The following YES1 variants were observed in gnomAD, a reference collection of about 807,000 sequenced individuals.
YES1 encodes YES proto-oncogene 1, Src family tyrosine kinase.
YES1 carries 39 observed loss-of-function variants against 70.4 expected under a neutral mutation model. The ratio of observed to expected loss-of-function variants is 0.55; its 90% CI spans 0.43 to 0.72. The LOEUF (loss-of-function observed/expected upper bound fraction) is 0.72, where lower values mean the gene tolerates loss of function less well. Ranked by LOEUF, YES1 falls within the 30% of genes least tolerant of loss-of-function variation. The pLI, the probability that YES1 is intolerant of heterozygous loss-of-function variation, is 0.00. For missense variants in YES1, 495 were observed against 644.8 expected, an observed-to-expected ratio of 0.77 and a Z score of 2.52; for synonymous variants, 198 against 218.6, an observed-to-expected ratio of 0.91 and a Z score of 0.83.
chr18:753,195 T>C (rs546201637), intron 2 of YES1, among the ~76,000 whole-genome samples: 1 of 152,196 alleles, frequency 6.6e-6, no homozygotes, highest in Non-Finnish European at 1.5e-5. Flanking sequence ...TAAAAAACTG[T>C]ATATATTTAT....
intron 1 of YES1, among the ~76,000 whole-genome samples, chr18:765,403 T>C (rs1170885393): frequency 6.8e-6 from 1 of 147,456 alleles, no homozygotes; most frequent in African/African-American, 2.5e-5. Flanking sequence ...TTAACACTTT[T>C]TTTTTTTTTT....
chr18:797,350 T>C (rs1906599407), intron 1 of YES1, among the ~76,000 whole-genome samples: 1 of 151,846 alleles, frequency 6.6e-6, no homozygotes, highest in Non-Finnish European at 1.5e-5. Context: ...TGGGAAAATA[T>C]AGAAAGAGCT....
At chr18:803,342 A>C (rs1161488460) in intron 1 of YES1, among the ~76,000 whole-genome samples, 1 of 152,246 alleles carries the variant, frequency 6.6e-6, no homozygotes, top group African/African-American at 2.4e-5. Context: ...AGTATGGCAT[A>C]GCACCTATCA....
intron 1 of YES1, among the ~76,000 whole-genome samples, chr18:777,989 AAAGT>A (rs1905470754): frequency 6.6e-6 from 1 of 152,172 alleles, no homozygotes; most frequent in South Asian, 2.1e-4. Context: ...TTACACTGTT[AAAGT>A]ATTTTGCTTT....
chr18:726,601 G>A (rs763057233), intron 11 of YES1, among the ~76,000 whole-genome samples: 21 of 151,162 alleles, frequency 1.4e-4, no homozygotes, highest in Non-Finnish European at 1.9e-4. Context: ...CCAACATGGC[G>A]AAACCCCCTC....
At chr18:796,138 T>C (rs929317907) in intron 1 of YES1, among the ~76,000 whole-genome samples, 1 of 152,168 alleles carries the variant, frequency 6.6e-6, no homozygotes, top group East Asian at 1.9e-4. Context: ...AGTAAATGCA[T>C]ATGAATAGCT....
At position 724,604 on chromosome 18, in the gene YES1, T is replaced by G. The variant is rs1194771041; in HGVS notation, c.1452A>C (p.Gln484His). The G allele has an allele frequency of 1.2e-6, 2 of 1,614,030 alleles. No homozygotes were observed. Among genetic ancestry groups the G allele is most frequent in the Non-Finnish European group, 1.7e-6 (2 of 1,180,004 alleles). Residue 484 changes from glutamine (Q) to histidine (H), a missense_variant, in exon 12 of 12, where the codon CAA becomes CAC. Gln to His is a conservative substitution (Grantham distance 24). Coordinates refer to ENST00000314574, the MANE Select transcript of YES1 (RefSeq NM_005433.4). ...PGMVNREVLE[Q>H]VERGYRMPCP... ...ACGGCATCCTGTATCCTCGCTCCAC[T>G]TGTTCTAATACTTCACGGTTCACCA...
At chr18:734,481 G>A (rs532339709) in intron 10 of YES1, among the ~76,000 whole-genome samples, 12 of 151,920 alleles carry the variant, frequency 7.9e-5, no homozygotes, top group South Asian at 4.2e-4. Context: ...GCGAGAACCC[G>A]GGAGGCAGAG....
chr18:730,207 G>A (rs932692073), intron 11 of YES1, among the ~76,000 whole-genome samples: 2 of 151,944 alleles, frequency 1.3e-5, no homozygotes, highest in African/African-American at 4.8e-5. Context: ...AGTTTGGCTG[G>A]GCAAGAACTC....
Position 762,914 on chromosome 18 carries a change from T to C in YES1, c.-8-6079A>G, listed in dbSNP as rs546975272. 5.9e-5 allele frequency among the ~76,000 whole-genome samples: 9 copies of C among 152,062 alleles called. No homozygotes were observed. In the South Asian group the frequency reaches 1.7e-3, roughly 28 times the overall value. The stretch of plus-strand genomic sequence containing the variant: ...GCTAGAGTGTGACAAAATGTTAGAG[T>C]GGAGGTATGTACAAAATACCATGGA... On this transcript the variant is annotated intron_variant, in intron 1 of 11. Coordinates refer to ENST00000314574, the MANE Select transcript of YES1 (RefSeq NM_005433.4).
At chr18:743,139 TTTTA>T (rs2080234722) in intron 7 of YES1, 42 bp from the exon 8 acceptor site, 8 of 1,548,972 alleles carry the variant, frequency 5.2e-6, no homozygotes, top group Non-Finnish European at 6.9e-6. Context: ...TTTTAAAGGA[TTTTA>T]GACCAAACTT....
intron 1 of YES1, among the ~76,000 whole-genome samples, chr18:800,059 T>C (rs1906743468): frequency 6.6e-6 from 1 of 152,228 alleles, no homozygotes; most frequent in Non-Finnish European, 1.5e-5. Flanking sequence ...CAAACCTTAG[T>C]TTCTCCATCA....
intron 3 of YES1, among the ~76,000 whole-genome samples, chr18:748,250 CACTT>C (rs1339970690): frequency 6.6e-6 from 1 of 152,162 alleles, no homozygotes; most frequent in Non-Finnish European, 1.5e-5. Flanking sequence ...AAATCCTACA[CACTT>C]AGTTATAAGA....
chr18:732,802 A>G (rs1353881519), intron 11 of YES1, 32 bp downstream of exon 11: 4 of 1,613,912 alleles, frequency 2.5e-6, no homozygotes, highest in Non-Finnish European at 3.4e-6. Context: ...GCCACTCATG[A>G]GATAACCAAG....
At chr18:759,798 G>A (rs182451961) in intron 1 of YES1, among the ~76,000 whole-genome samples, 1 of 152,054 alleles carries the variant, frequency 6.6e-6, no homozygotes, top group Non-Finnish European at 1.5e-5. Context: ...CCATGTTGGT[G>A]TGCTGCACCC....
At position 745,941 on chromosome 18, in the gene YES1, T is replaced by C; in HGVS notation, c.574+7A>G. 6.2e-7 allele frequency: 1 copy of C among 1,607,900 alleles called. No individual in the cohort carries two copies. Among genetic ancestry groups the C allele is most frequent in the Non-Finnish European group, 8.5e-7 (1 of 1,176,214 alleles). On this transcript the variant is annotated splice_region_variant and intron_variant, in intron 5 of 11. Transcript: ENST00000314574. The stretch of plus-strand genomic sequence containing the variant: ...TTATACTTATACTAATATAACAATA[T>C]TCATACCTTTAGTTGTTTCACTCTC...
At chr18:811,172 C>G (rs987608179) in intron 1 of YES1, among the ~76,000 whole-genome samples, 2 of 152,196 alleles carry the variant, frequency 1.3e-5, no homozygotes, top group African/African-American at 4.8e-5. Context: ...TGAAAACACA[C>G]ACCCGTGGAA....
Position 745,981 on chromosome 18 carries a change from T to C in YES1, c.541A>G (p.Ile181Val). The C allele has an allele frequency of 6.2e-7, 1 of 1,613,168 alleles. No individual in the cohort carries two copies. The highest frequency in any genetic ancestry group is 8.5e-7 in the Non-Finnish European group (1 of 1,179,574). Residue 181 changes from isoleucine (I) to valine (V), a missense_variant, in exon 5 of 12, where the codon ATT becomes GTT. Physicochemically the swap from Ile to Val is conservative, Grantham distance 29. Around this residue, in one of 2 missense-constraint regions of YES1, gnomAD observed 385 missense variants for 540.9 expected, o/e 0.71. Coordinates refer to ENST00000314574, the MANE Select transcript of YES1 (RefSeq NM_005433.4). Reference protein sequence around the residue: ...LLLNPGNQRGIFLVRESETTK... With the variant: ...LLLNPGNQRGVFLVRESETTK... ...GTTTCACTCTCTCTTACTAAGAAAA[T>C]ACCTCGTTGATTTCCAGGATTCAAA... is the stretch of plus-strand genomic sequence containing the variant.
At chr18:771,981 T>C (rs1905179306) in intron 1 of YES1, among the ~76,000 whole-genome samples, 1 of 151,890 alleles carries the variant, frequency 6.6e-6, no homozygotes, top group Non-Finnish European at 1.5e-5. Context: ...GAATTTCACA[T>C]AAAAATCAGA....
Sources: allele counts gnomAD v4.1 joint callset (sites outside exome capture counted in the v4.1 genomes callset), GRCh38; gene constraint gnomAD v4.1.1; regional missense constraint gnomAD v4.1.1; transcripts MANE v1.5; gene names NCBI Gene and HGNC (gene_info 2026-07-23, HGNC 2026-07-21).